VWA8: variants seen among roughly 807,000 people sequenced by gnomAD.
VWA8 encodes the protein von Willebrand factor A domain containing 8.
A neutral mutation model predicts 241.5 loss-of-function variants in VWA8; 221 were observed. The observed-to-expected ratio is 0.91, with a 90% CI of 0.82 to 1.02. The LOEUF (loss-of-function observed/expected upper bound fraction) is 1.02, where lower values mean the gene tolerates loss of function less well. Among genes scored for constraint, VWA8 ranks in the 50% least tolerant of loss-of-function variants. The pLI is 0.00. For missense variants in VWA8, 2,322 were observed against 2,328.7 expected, an observed-to-expected ratio of 1.00 and a Z score of 0.06; for synonymous variants, 852 against 827.1, an observed-to-expected ratio of 1.03 and a Z score of -0.52.
At chr13:41,572,519 T>A (rs1053492642) in intron 43 of VWA8, among the ~76,000 whole-genome samples, 11 of 152,188 alleles carry the variant, frequency 7.2e-5, no homozygotes, top group Admixed American at 2.0e-4. Context: ...CTCTGAAACA[T>A]GTGCTGTGTC....
intron 37 of VWA8, among the ~76,000 whole-genome samples, chr13:41,621,426 G>GTTAA (rs2044656555): frequency 1.3e-5 from 2 of 152,122 alleles, no homozygotes; most frequent in African/African-American, 2.4e-5. Flanking sequence ...TTGCTTATAT[G>GTTAA]CGTTAAGACT....
At chr13:41,744,435 C>T (rs185778254) in intron 21 of VWA8, among the ~76,000 whole-genome samples, 3 of 152,308 alleles carry the variant, frequency 2.0e-5, no homozygotes, top group African/African-American at 7.2e-5. Flanking sequence ...CGGAAATTAG[C>T]TAAGGAAGTT....
intron 3 of VWA8, among the ~76,000 whole-genome samples, chr13:41,910,616 A>G (rs1875949461): frequency 6.6e-6 from 1 of 151,796 alleles, no homozygotes; most frequent in African/African-American, 2.4e-5. Flanking sequence ...AACAACAAAA[A>G]TGGCTCTAGA....
At chr13:41,677,342 A>G (rs2045067241) in intron 35 of VWA8, among the ~76,000 whole-genome samples, 1 of 152,196 alleles carries the variant, frequency 6.6e-6, no homozygotes, top group Non-Finnish European at 1.5e-5. Context: ...CTGAGTAACC[A>G]TCATCCTCAA....
intron 17 of VWA8, among the ~76,000 whole-genome samples, chr13:41,798,774 T>C (rs561172190): frequency 1.3e-5 from 2 of 152,284 alleles, no homozygotes; most frequent in South Asian, 2.1e-4. Flanking sequence ...ATTAGACATA[T>C]GTTGGATTTT....
chr13:41,658,122 G>A (rs2044921982), intron 37 of VWA8, among the ~76,000 whole-genome samples: 1 of 152,148 alleles, frequency 6.6e-6, no homozygotes, highest in Admixed American at 6.5e-5. Context: ...CTAACAGCTA[G>A]AACATGGTAT....
At chr13:41,615,913 G>A (rs1383718774) in intron 37 of VWA8, among the ~76,000 whole-genome samples, 2 of 152,160 alleles carry the variant, frequency 1.3e-5, no homozygotes, top group Non-Finnish European at 1.5e-5. Context: ...CCATGAGCCT[G>A]CTCTCAGATG....
chr13:41,773,933 A>C (rs77879439), intron 20 of VWA8, among the ~76,000 whole-genome samples: 2,933 of 152,248 alleles, frequency 0.019, 97 homozygotes, highest in African/African-American at 0.066. Flanking sequence ...TGAATGGGCT[A>C]CTTAACTATT....
At chr13:41,934,593 T>C (rs1173876807) in intron 2 of VWA8, among the ~76,000 whole-genome samples, 2 of 152,028 alleles carry the variant, frequency 1.3e-5, no homozygotes, top group East Asian at 3.8e-4. Flanking sequence ...ATCCATACAA[T>C]GGAATACCAC....
At chr13:41,848,496 G>T (rs1872385737) in intron 12 of VWA8, among the ~76,000 whole-genome samples, 1 of 152,052 alleles carries the variant, frequency 6.6e-6, no homozygotes, top group African/African-American at 2.4e-5. Flanking sequence ...TCATGGGGGT[G>T]GTTTCCCCTA....
chr13:41,621,367 T>C (rs932035470), intron 37 of VWA8, among the ~76,000 whole-genome samples: 2 of 152,210 alleles, frequency 1.3e-5, no homozygotes, highest in African/African-American at 2.4e-5. Context: ...TAACTTACGA[T>C]GGGTTTATTG....
At chr13:41,812,566 T>C (rs1398687994) in intron 16 of VWA8, among the ~76,000 whole-genome samples, 1 of 152,152 alleles carries the variant, frequency 6.6e-6, no homozygotes, top group Non-Finnish European at 1.5e-5. Context: ...ACTGCACATT[T>C]GCTTGTTTTA....
chr13:41,706,179 A>G (rs183963150), intron 26 of VWA8, among the ~76,000 whole-genome samples: 4 of 152,352 alleles, frequency 2.6e-5, no homozygotes, highest in Admixed American at 2.6e-4. Flanking sequence ...GATTTTACTG[A>G]CAATGCCAGG....
chr13:41,918,608 C>T (rs1489954808), intron 2 of VWA8, among the ~76,000 whole-genome samples: 2 of 151,802 alleles, frequency 1.3e-5, no homozygotes, highest in South Asian at 2.1e-4. Flanking sequence ...TTCTGAATGA[C>T]AAAAATATAT....
intron 4 of VWA8, among the ~76,000 whole-genome samples, chr13:41,901,801 G>C (rs1267409409): frequency 3.6e-5 from 5 of 140,270 alleles, no homozygotes; most frequent in Non-Finnish European, 6.0e-5. Context: ...AGGAGGCAGA[G>C]GTTGCAGTGA....
intron 21 of VWA8, among the ~76,000 whole-genome samples, chr13:41,754,464 C>T (rs1456902628): frequency 6.6e-6 from 1 of 152,006 alleles, no homozygotes; most frequent in Non-Finnish European, 1.5e-5. Flanking sequence ...TGAAAACAGA[C>T]TAATACAGGT....
At position 41,889,645 on chromosome 13, in the gene VWA8, C is replaced by T. The variant is rs566420404; in HGVS notation, c.651+1775G>A. On this transcript the variant is annotated intron_variant, in intron 5 of 44. Transcript: ENST00000379310. ...CTGCCTGCCTTAGCCTCCCAAAGTG[C>T]TAGGGTTACAGGTGTGAGCCACTGC... Among the ~76,000 whole-genome samples the T allele has an allele frequency of 8.5e-5, 13 of 152,304 alleles. No homozygotes were observed. In the South Asian group the frequency reaches 2.7e-3, roughly 32 times the overall value.
chr13:41,941,212 T>G (rs1877580569), intron 2 of VWA8, among the ~76,000 whole-genome samples: 1 of 152,230 alleles, frequency 6.6e-6, no homozygotes, highest in South Asian at 2.1e-4. Context: ...TGCTACGATC[T>G]ATTAAATCCT....
intron 4 of VWA8, among the ~76,000 whole-genome samples, chr13:41,894,422 T>A (rs372811373): frequency 6.6e-6 from 1 of 152,202 alleles, no homozygotes. Flanking sequence ...AATTTAATGA[T>A]CTCTTGAAAA....
Sources: gnomAD v4.1 joint callset for allele counts (sites outside exome capture counted in the v4.1 genomes callset) on GRCh38, gnomAD v4.1.1 for gene constraint, MANE v1.5 for transcripts, NCBI Gene and HGNC (gene_info 2026-07-23, HGNC 2026-07-21) for gene names.